The following LARGE1 variants were observed in gnomAD, a reference collection of about 807,000 sequenced individuals.
The protein encoded by LARGE1 is xylosyl- and glucuronyltransferase LARGE1.
LARGE1 carries 43 observed loss-of-function variants against 87.6 expected under a neutral mutation model. That is an observed-to-expected ratio of 0.49 (90% confidence interval 0.38 to 0.63). The LOEUF is 0.63. LARGE1 is among the 30% of genes least tolerant of loss of function. LARGE1 has a pLI of 0.00. For synonymous variants in LARGE1, 434 were observed against 394.6 expected (o/e 1.10, Z -1.18); for missense variants, 802 against 1,000.2 (o/e 0.80, Z 2.67).
intron 2 of LARGE1, among the ~76,000 whole-genome samples, chr22:33,694,538 G>T (rs2082187162): frequency 2.0e-5 from 3 of 152,056 alleles, no homozygotes; most frequent in African/African-American, 4.8e-5. Context: ...GAATCTGGTG[G>T]AATATTTTTT....
At chr22:33,118,747 G>C in the LARGE1 span, among the ~76,000 whole-genome samples, 142 of 152,264 alleles carry the variant, frequency 9.3e-4, 1 homozygote, top group African/African-American at 3.3e-3. Context: ...TTTAACAGTA[G>C]TGCAGGTACT....
At chr22:33,815,585 A>G (rs2086625311) in intron 1 of LARGE1, among the ~76,000 whole-genome samples, 1 of 152,166 alleles carries the variant, frequency 6.6e-6, no homozygotes, top group Non-Finnish European at 1.5e-5. Context: ...TCAGCCAAGA[A>G]CCATTCTTAG....
chr22:33,206,241 C>A (rs1924677025), intron 11 of LARGE1, among the ~76,000 whole-genome samples: 1 of 152,104 alleles, frequency 6.6e-6, no homozygotes, highest in Non-Finnish European at 1.5e-5. Context: ...CAGGCGTGAG[C>A]CACTGCGCCC....
At chr22:33,517,637 G>A (rs2071377422) in intron 6 of LARGE1, among the ~76,000 whole-genome samples, 1 of 151,852 alleles carries the variant, frequency 6.6e-6, no homozygotes, top group Non-Finnish European at 1.5e-5. Flanking sequence ...CCTGACTTGT[G>A]ATCCGCCTGC....
chr22:33,717,224 C>CT (rs2082938824), intron 2 of LARGE1, among the ~76,000 whole-genome samples: 2 of 152,088 alleles, frequency 1.3e-5, no homozygotes, highest in Non-Finnish European at 2.9e-5. Context: ...CACCCATCTA[C>CT]CCCCACAGTG....
chr22:33,503,788 G>C (rs1408406350), intron 6 of LARGE1, among the ~76,000 whole-genome samples: 1 of 151,880 alleles, frequency 6.6e-6, no homozygotes, highest in African/African-American at 2.4e-5. Flanking sequence ...GACAGAGCAA[G>C]ACTCTGTCTC....
chr22:33,605,870 G>C (rs117924296), intron 4 of LARGE1, among the ~76,000 whole-genome samples: 1 of 152,158 alleles, frequency 6.6e-6, no homozygotes, highest in South Asian at 2.1e-4. Context: ...TTCCACGGGA[G>C]TAAGAGCAGC....
chr22:33,800,508 T>C (rs1411422748), intron 1 of LARGE1, among the ~76,000 whole-genome samples: 3 of 152,198 alleles, frequency 2.0e-5, no homozygotes, highest in Non-Finnish European at 4.4e-5. Context: ...GATACAGAAC[T>C]GTTCTATCAT....
intron 3 of LARGE1, 131 bp downstream of exon 3, chr22:33,650,236 C>T (rs1602974048): frequency 8.5e-7 from 1 of 1,170,826 alleles, no homozygotes; most frequent in Admixed American, 1.7e-5. Context: ...GCAAGCCAGA[C>T]TTACACACCC....
At chr22:33,407,337 C>A (rs2066137754) in intron 7 of LARGE1, among the ~76,000 whole-genome samples, 1 of 152,172 alleles carries the variant, frequency 6.6e-6, no homozygotes, top group Non-Finnish European at 1.5e-5. Context: ...ACAGCTCTAA[C>A]TGCTGGGGAA....
chr22:33,605,826 C>T (rs918464849), intron 4 of LARGE1, among the ~76,000 whole-genome samples: 4 of 152,034 alleles, frequency 2.6e-5, no homozygotes, highest in Non-Finnish European at 5.9e-5. Flanking sequence ...AAGCACGGGG[C>T]GGAATGTGAT....
At chr22:33,356,948 A>G (rs1940949634) in intron 9 of LARGE1, among the ~76,000 whole-genome samples, 1 of 152,194 alleles carries the variant, frequency 6.6e-6, no homozygotes, top group Non-Finnish European at 1.5e-5. Context: ...TCTATGGAAA[A>G]CAGCATGGAG....
At chr22:33,573,312 G>A (rs577044196) in intron 5 of LARGE1, among the ~76,000 whole-genome samples, 5 of 152,110 alleles carry the variant, frequency 3.3e-5, no homozygotes, top group East Asian at 1.9e-4. Context: ...GGTGGTGTGC[G>A]CATGTAATCC....
At chr22:33,599,449 T>C (rs1008640292) in intron 5 of LARGE1, among the ~76,000 whole-genome samples, 2 of 152,158 alleles carry the variant, frequency 1.3e-5, no homozygotes, top group African/African-American at 4.8e-5. Flanking sequence ...GGTAGCCTGT[T>C]GGTACCAGGA....
At chr22:33,412,782 T>A (rs111287311) in intron 7 of LARGE1, among the ~76,000 whole-genome samples, 1 of 152,200 alleles carries the variant, frequency 6.6e-6, no homozygotes, top group Non-Finnish European at 1.5e-5. Flanking sequence ...TGCCTCAGCC[T>A]CCCGAGTAGC....
At chr22:33,334,162 C>T (rs79579929) in intron 10 of LARGE1, among the ~76,000 whole-genome samples, 271 of 151,592 alleles carry the variant, frequency 1.8e-3, no homozygotes, top group African/African-American at 6.3e-3. Flanking sequence ...CCTGTAATCC[C>T]AGCACTTTGG....
At chr22:33,426,930 CAAATAAACCTAT>C (rs947725645) in intron 7 of LARGE1, among the ~76,000 whole-genome samples, 20 of 152,340 alleles carry the variant, frequency 1.3e-4, no homozygotes, top group Non-Finnish European at 2.4e-4. Context: ...GGGTCCCATG[CAAATAAACCTAT>C]CTGCAAACAT....
intron 1 of LARGE1, among the ~76,000 whole-genome samples, chr22:33,903,245 G>T (rs903711070): frequency 1.2e-4 from 18 of 152,206 alleles, no homozygotes; most frequent in Admixed American, 5.2e-4. Context: ...ACGCAGAGGG[G>T]AGACCATATG....
chr22:33,556,017 T>C (rs564380484), intron 6 of LARGE1, among the ~76,000 whole-genome samples: 7 of 152,166 alleles, frequency 4.6e-5, no homozygotes, highest in African/African-American at 1.7e-4. Context: ...ATCTCAGGGC[T>C]TCACATATGC....
Sources: gnomAD v4.1 joint callset for allele counts (sites outside exome capture counted in the v4.1 genomes callset) on GRCh38, gnomAD v4.1.1 for gene constraint, MANE v1.5 for transcripts, NCBI Gene and HGNC (gene_info 2026-07-23, HGNC 2026-07-21) for gene names.